Variants in USP24 observed in about 807,000 individuals in gnomAD.
The protein encoded by USP24 is ubiquitin specific peptidase 24.
In USP24, 97 loss-of-function variants were observed where a neutral mutation model predicts 361.6. The ratio of observed to expected loss-of-function variants is 0.27; its 90% CI spans 0.23 to 0.32. The LOEUF (loss-of-function observed/expected upper bound fraction) is 0.32, where lower values mean the gene tolerates loss of function less well. Among genes scored for constraint, USP24 ranks in the 10% least tolerant of loss-of-function variants. The pLI is 1.00. For missense variants in USP24, 2,353 were observed against 3,165.6 expected (o/e 0.74, Z 6.16); for synonymous variants, 1,098 against 1,124.6 (o/e 0.98, Z 0.47).
chr1:55,189,593 A>G (rs1168925688), intron 1 of USP24, among the ~76,000 whole-genome samples: 2 of 152,206 alleles, frequency 1.3e-5, no homozygotes, highest in Non-Finnish European at 2.9e-5. Context: ...AGACAGCATG[A>G]GGTTTCTTTT....
At chr1:55,096,236 C>T (rs931476900) in intron 50 of USP24, among the ~76,000 whole-genome samples, 41 of 152,140 alleles carry the variant, frequency 2.7e-4, no homozygotes, top group African/African-American at 9.9e-4. Flanking sequence ...CTCTGATGCT[C>T]ATTTCATCCT....
chr1:55,071,625 ACT>A, intron 67 of USP24, 187 bp downstream of exon 67: 1 of 1,145,660 alleles, frequency 8.7e-7, no homozygotes, highest in South Asian at 1.6e-5. Flanking sequence ...ACACTGCAGC[ACT>A]ACTCAGCCCT....
intron 38 of USP24, among the ~76,000 whole-genome samples, chr1:55,115,772 G>A (rs1041595659): frequency 2.6e-5 from 4 of 152,260 alleles, no homozygotes; most frequent in Middle Eastern, 3.4e-3. Context: ...CAACCCAAAT[G>A]CCCATCAATG....
chr1:55,091,711 G>A (rs1645380835), intron 54 of USP24, among the ~76,000 whole-genome samples: 1 of 152,084 alleles, frequency 6.6e-6, no homozygotes, highest in South Asian at 2.1e-4. Flanking sequence ...TCTCTGTTTT[G>A]CCTTTCGAAA....
chr1:55,169,499 AG>A (rs1469911679), intron 5 of USP24, among the ~76,000 whole-genome samples: 4 of 152,200 alleles, frequency 2.6e-5, no homozygotes, highest in Non-Finnish European at 5.9e-5. Context: ...ATAAATAAAA[AG>A]AATACCATGG....
At position 55,096,608 on chromosome 1, in the gene USP24, C is replaced by A; in HGVS notation, c.5951G>T (p.Gly1984Val). The A allele has an allele frequency of 6.2e-7, 1 of 1,611,044 alleles. No individual in the cohort carries two copies. The highest frequency in any genetic ancestry group is 8.5e-7 in the Non-Finnish European group (1 of 1,179,142). Residue 1984 changes from glycine to valine, a missense_variant, in exon 50 of 68, where the codon GGA becomes GTA. Physicochemically the swap from Gly to Val is moderately radical, Grantham distance 109. Coordinates refer to ENST00000294383, the MANE Select transcript of USP24 (RefSeq NM_015306.3). ...TGTGTCATTAAATTTATACCACTTTCCTTTTCCACACCCTCTAGAACCCAG... is the reference window on the plus strand; with the variant it reads ...TGTGTCATTAAATTTATACCACTTTACTTTTCCACACCCTCTAGAACCCAG... ...FIKDRRGCGKGKWYKFNDTVI... is the reference protein window; with the variant it reads ...FIKDRRGCGKVKWYKFNDTVI...
intron 1 of USP24, among the ~76,000 whole-genome samples, chr1:55,196,522 C>T (rs1271403331): frequency 6.6e-6 from 1 of 152,018 alleles, no homozygotes; most frequent in Admixed American, 6.6e-5. Flanking sequence ...TCCGCCCCCC[C>T]AATAGAGTTA....
chr1:55,123,273 A>G (rs1193441385), intron 36 of USP24, among the ~76,000 whole-genome samples, 174 bp downstream of exon 36: 3 of 152,232 alleles, frequency 2.0e-5, no homozygotes, highest in Non-Finnish European at 4.4e-5. Flanking sequence ...TGCTCAATAA[A>G]TATTTCTTCA....
At chr1:55,075,214 A>G (rs1316090084) in intron 63 of USP24, among the ~76,000 whole-genome samples, 1 of 152,016 alleles carries the variant, frequency 6.6e-6, no homozygotes, top group Non-Finnish European at 1.5e-5. Flanking sequence ...ATCTTGCCTT[A>G]TCTGGTAAAA....
chr1:55,104,568 C>T (rs770457523), intron 41 of USP24, among the ~76,000 whole-genome samples: 2 of 152,188 alleles, frequency 1.3e-5, no homozygotes, highest in African/African-American at 2.4e-5. Context: ...AGGCTTTCTA[C>T]ACTGCCTGCC....
intron 41 of USP24, 135 bp from the exon 42 acceptor site, chr1:55,104,155 G>A: frequency 9.5e-7 from 1 of 1,051,284 alleles, no homozygotes; most frequent in South Asian, 1.8e-5. Flanking sequence ...TCTAACCCCA[G>A]ACATCCAGTA....
chr1:55,094,605 A>C (rs1027518449), intron 51 of USP24, among the ~76,000 whole-genome samples: 4 of 151,846 alleles, frequency 2.6e-5, no homozygotes, highest in Admixed American at 1.3e-4. Context: ...TTCACTGACA[A>C]TAGGACCTTT....
At chr1:55,198,223 C>A (rs1406402114) in intron 1 of USP24, among the ~76,000 whole-genome samples, 5 of 152,116 alleles carry the variant, frequency 3.3e-5, no homozygotes, top group East Asian at 3.9e-4. Context: ...TTCAAGCAAT[C>A]CTCCTACCTT....
chr1:55,079,506 A>G (rs766598708), intron 60 of USP24, 32 bp downstream of exon 60: 21 of 1,551,390 alleles, frequency 1.4e-5, no homozygotes, highest in East Asian at 7.3e-5. Flanking sequence ...AACAGGAGGG[A>G]AAAAAATGGC....
intron 38 of USP24, among the ~76,000 whole-genome samples, chr1:55,115,422 G>T (rs1646080170): frequency 7.1e-6 from 1 of 140,916 alleles, no homozygotes; most frequent in African/African-American, 2.5e-5. Context: ...CATGAACCTG[G>T]GAGGCGGAGC....
At chr1:55,099,233 C>T (rs935078607) in intron 45 of USP24, among the ~76,000 whole-genome samples, 1 of 152,150 alleles carries the variant, frequency 6.6e-6, no homozygotes, top group Non-Finnish European at 1.5e-5. Flanking sequence ...GAGTTACATA[C>T]TTTACTGAGC....
intron 31 of USP24, among the ~76,000 whole-genome samples, chr1:55,132,169 T>C (rs1646612320): frequency 6.6e-6 from 1 of 152,160 alleles, no homozygotes. Context: ...AATTCCTATT[T>C]TGGAAGTGAG....
At chr1:55,175,524 C>T (rs962915619) in intron 3 of USP24, among the ~76,000 whole-genome samples, 1 of 152,072 alleles carries the variant, frequency 6.6e-6, no homozygotes, top group Non-Finnish European at 1.5e-5. Flanking sequence ...TTGCACCCGG[C>T]CTTAACTGGG....
At chr1:55,087,975 C>A (rs1645289497) in intron 55 of USP24, among the ~76,000 whole-genome samples, 1 of 152,130 alleles carries the variant, frequency 6.6e-6, no homozygotes, top group South Asian at 2.1e-4. Flanking sequence ...AACCAATGAG[C>A]CAGTATGGCT....
Sources: gnomAD v4.1 joint callset for allele counts (sites outside exome capture counted in the v4.1 genomes callset) on GRCh38, gnomAD v4.1.1 for gene constraint, MANE v1.5 for transcripts, NCBI Gene and HGNC (gene_info 2026-07-23, HGNC 2026-07-21) for gene names.